The following SGK1 variants were observed in gnomAD, a reference collection of about 807,000 sequenced individuals.
SGK1 encodes the protein serum/glucocorticoid regulated kinase 1, also known as serine/threonine-protein kinase Sgk1.
In SGK1, 26 loss-of-function variants were observed where a neutral mutation model predicts 64.2. The ratio of observed to expected loss-of-function variants is 0.40; its 90% CI spans 0.30 to 0.56. The LOEUF is 0.56. Among genes scored for constraint, SGK1 ranks in the 20% least tolerant of loss-of-function variants. The pLI, the probability that SGK1 is intolerant of heterozygous loss-of-function variation, is 0.38. For synonymous variants in SGK1, 265 were observed against 239.7 expected (o/e 1.11, Z -0.98); for missense variants, 519 against 645.6 (o/e 0.80, Z 2.12).
intron 1 of SGK1, among the ~76,000 whole-genome samples, chr6:134,301,176 G>C (rs566579761): frequency 6.6e-6 from 1 of 152,304 alleles, no homozygotes; most frequent in African/African-American, 2.4e-5. Context: ...TGGGAACAGA[G>C]GTCTGGCATT....
chr6:134,231,277 A>G (rs751951059), intron 2 of SGK1, among the ~76,000 whole-genome samples: 1 of 152,260 alleles, frequency 6.6e-6, no homozygotes, highest in Admixed American at 6.5e-5. Context: ...CTACTCATTG[A>G]AAACCTAAAG....
chr6:134,196,471 A>G (rs922396945), intron 3 of SGK1, among the ~76,000 whole-genome samples: 2 of 151,850 alleles, frequency 1.3e-5, no homozygotes, highest in South Asian at 2.1e-4. Context: ...ACCCTAAAAA[A>G]AATTAAAATA....
intron 2 of SGK1, among the ~76,000 whole-genome samples, chr6:134,220,038 G>A (rs1323020609): frequency 2.1e-5 from 2 of 94,030 alleles, no homozygotes; most frequent in Admixed American, 3.6e-4. Context: ...CAGCCTGGGC[G>A]ACAGAGCGAG....
At chr6:134,192,036 G>C (rs1382729470) in intron 3 of SGK1, among the ~76,000 whole-genome samples, 1 of 151,562 alleles carries the variant, frequency 6.6e-6, no homozygotes, top group Admixed American at 6.6e-5. Context: ...TCACCATGTT[G>C]GCCAGAATGG....
chr6:134,296,215 TTG>T (rs1777344987), intron 1 of SGK1, among the ~76,000 whole-genome samples: 1 of 152,164 alleles, frequency 6.6e-6, no homozygotes, highest in East Asian at 1.9e-4. Context: ...CATTCCTGAG[TTG>T]TGAGTCACAA....
intron 1 of SGK1, among the ~76,000 whole-genome samples, chr6:134,266,679 T>C (rs1003673985): frequency 8.5e-5 from 13 of 152,184 alleles, no homozygotes; most frequent in African/African-American, 3.1e-4. Context: ...TTTCCTTAAA[T>C]ATTTCTGTCA....
At chr6:134,194,318 C>A (rs944173299) in intron 3 of SGK1, among the ~76,000 whole-genome samples, 2 of 152,078 alleles carry the variant, frequency 1.3e-5, no homozygotes, top group Admixed American at 1.3e-4. Flanking sequence ...ACTGATCAGA[C>A]GATGCCCAAA....
At chr6:134,202,470 C>T (rs775599598) in intron 3 of SGK1, among the ~76,000 whole-genome samples, 2 of 151,828 alleles carry the variant, frequency 1.3e-5, no homozygotes, top group East Asian at 1.9e-4. Context: ...ATGGTGAAAC[C>T]CTGTCTCTAT....
rs772324787 is a variant in SGK1, at chr6:134,171,091, C to T, written c.1255G>A (p.Ala419Thr). 19 of 1,613,896 alleles carry T rather than the reference C, an allele frequency of 1.2e-5. No homozygotes were observed. In the East Asian group the frequency reaches 2.2e-4, roughly 19 times the overall value. The change falls in exon 12 of 14, where the codon GCA (alanine) becomes ACA (threonine). Residue 419 changes from alanine (A) to threonine (T), a missense_variant. Physicochemically the swap from Ala to Thr is moderately conservative, Grantham distance 58 (BLOSUM62 0). Coordinates refer to ENST00000367858, the MANE Select transcript of SGK1 (RefSeq NM_001143676.3). Reference protein sequence around the residue: ...LQLKPNITNSARHLLEGLLQK... With the variant: ...LQLKPNITNSTRHLLEGLLQK... ...AGGAGGCCCTCCAGGAGGTGTCTTG[C>T]GGAATTTGTAATATTTGGTTTCAGC...
chr6:134,192,089 A>G (rs564667186), intron 3 of SGK1, among the ~76,000 whole-genome samples: 1 of 151,068 alleles, frequency 6.6e-6, no homozygotes, highest in Non-Finnish European at 1.5e-5. Flanking sequence ...TTGGCGTCCT[A>G]AAGTGCTGGG....
intron 1 of SGK1, among the ~76,000 whole-genome samples, chr6:134,289,775 G>A (rs1356002334): frequency 6.6e-6 from 1 of 152,064 alleles, no homozygotes; most frequent in Admixed American, 6.6e-5. Flanking sequence ...AGAGGCTGAG[G>A]CGAGCGGATC....
At chr6:134,211,834 A>C (rs1047195826) in intron 2 of SGK1, among the ~76,000 whole-genome samples, 2 of 144,386 alleles carry the variant, frequency 1.4e-5, no homozygotes, top group Non-Finnish European at 3.0e-5. Context: ...AGATGGCTCC[A>C]CTGCACTCCA....
At chr6:134,246,789 C>G (rs966416833) in intron 2 of SGK1, among the ~76,000 whole-genome samples, 1 of 152,036 alleles carries the variant, frequency 6.6e-6, no homozygotes, top group Admixed American at 6.6e-5. Flanking sequence ...GACAGGGTTT[C>G]GCCATGTTGG....
At chr6:134,175,251 C>A (rs1171275926) in intron 3 of SGK1, among the ~76,000 whole-genome samples, 1 of 152,274 alleles carries the variant, frequency 6.6e-6, no homozygotes, top group Non-Finnish European at 1.5e-5. Context: ...CCGGCGGGTG[C>A]GCGGCGGCCA....
At chr6:134,175,015 G>C in intron 3 of SGK1, 1 of 1,069,884 alleles carries the variant, frequency 9.3e-7, no homozygotes. Flanking sequence ...CCTGCGGCGG[G>C]CGGTTCTGTC....
intron 3 of SGK1, among the ~76,000 whole-genome samples, chr6:134,183,859 AC>A (rs1582695287): frequency 2.7e-5 from 1 of 37,082 alleles, no homozygotes. Flanking sequence ...CCCCACCCCC[AC>A]CCCCCACCCC....
At chr6:134,185,238 A>G (rs1775402649) in intron 3 of SGK1, among the ~76,000 whole-genome samples, 1 of 152,186 alleles carries the variant, frequency 6.6e-6, no homozygotes, top group Non-Finnish European at 1.5e-5. Context: ...CACCTCATAG[A>G]CTGTTTTCTT....
At chr6:134,175,540 T>G in intron 3 of SGK1, 1 of 1,506,468 alleles carries the variant, frequency 6.6e-7, no homozygotes, top group Non-Finnish European at 8.9e-7. Context: ...GCGGCGGCGC[T>G]TACCCAGTCC....
chr6:134,308,225 T>A (rs1214956680), intron 1 of SGK1, among the ~76,000 whole-genome samples: 1 of 152,208 alleles, frequency 6.6e-6, no homozygotes, highest in African/African-American at 2.4e-5. Context: ...TTCGGAAAGA[T>A]CATTCTATGG....
Sources: gnomAD v4.1 joint callset for allele counts (sites outside exome capture counted in the v4.1 genomes callset) on GRCh38, gnomAD v4.1.1 for gene constraint, MANE v1.5 for transcripts, NCBI Gene and HGNC (gene_info 2026-07-23, HGNC 2026-07-21) for gene names.